The following IRF8 variants were observed in gnomAD, a reference collection of about 807,000 sequenced individuals.
The protein encoded by IRF8 is interferon regulatory factor 8, also known as interferon consensus sequence binding protein 1.
Under a neutral mutation model 48.7 loss-of-function variants are expected in IRF8, and 14 were observed. The ratio of observed to expected loss-of-function variants is 0.29; its 90% CI spans 0.19 to 0.45. IRF8 has a LOEUF of 0.45. IRF8 is among the 20% of genes least tolerant of loss of function. The pLI, the probability that IRF8 is intolerant of heterozygous loss-of-function variation, is 1.00. For synonymous variants in IRF8, 278 were observed against 227.3 expected (o/e 1.22, Z -2.01); for missense variants, 493 against 580.7 (o/e 0.85, Z 1.55).
At chr16:85,919,526 C>A (rs1597257376) in intron 7 of IRF8, among the ~76,000 whole-genome samples, 1 of 152,178 alleles carries the variant, frequency 6.6e-6, no homozygotes, top group East Asian at 1.9e-4. Context: ...CTGAGGAATC[C>A]CCCTAGTGAG....
At chr16:85,914,431 C>G (rs370582677) in intron 5 of IRF8, 42 bp from the exon 6 acceptor site, 1 of 1,613,702 alleles carries the variant, frequency 6.2e-7, no homozygotes, top group Non-Finnish European at 8.5e-7. Flanking sequence ...CTGTACACCA[C>G]ACCTGGGTGG....
At chr16:85,900,152 T>G (rs1351813314) in intron 1 of IRF8, among the ~76,000 whole-genome samples, 1 of 152,172 alleles carries the variant, frequency 6.6e-6, no homozygotes, top group Non-Finnish European at 1.5e-5. Flanking sequence ...GGTCTAGTGA[T>G]GCGGGTATGC....
chr16:85,913,166 G>T lies in IRF8; in HGVS notation c.483G>T (p.Arg161Ser). 1.2e-6 allele frequency: 2 copies of T among 1,614,192 alleles called. No homozygotes were observed. The highest frequency in any genetic ancestry group is 1.7e-6 in the Non-Finnish European group (2 of 1,180,020). Reference protein sequence around the residue: ...SVDDYMGMIKRSPSPPEACRS... With the variant: ...SVDDYMGMIKSSPSPPEACRS... The stretch of plus-strand genomic sequence containing the variant: ...ACGATTACATGGGGATGATCAAAAG[G>T]AGCCCTTCCCCGCCGGAGGCCTGTC... Residue 161 changes from arginine (R) to serine (S), a missense_variant, in exon 5 of 9, where the codon AGG (arginine) becomes AGT (serine). Around this residue, in one of 3 missense-constraint regions of IRF8, gnomAD observed 408 missense variants for 449.6 expected, o/e 0.91. Coordinates refer to ENST00000268638, the MANE Select transcript of IRF8 (RefSeq NM_002163.4).
chr16:85,900,557 TGTAAC>T (rs1408879920), intron 1 of IRF8, among the ~76,000 whole-genome samples: 1 of 152,202 alleles, frequency 6.6e-6, no homozygotes, highest in African/African-American at 2.4e-5. Flanking sequence ...GCAGAGATCT[TGTAAC>T]GTAACTATGG....
chr16:85,920,815 C>T (rs934833449), intron 8 of IRF8, among the ~76,000 whole-genome samples: 7 of 152,066 alleles, frequency 4.6e-5, no homozygotes, highest in African/African-American at 1.4e-4. Context: ...TTCAGTTGCC[C>T]GAAGGTCTAA....
At chr16:85,909,385 G>A in intron 3 of IRF8, 1 of 581,230 alleles carries the variant, frequency 1.7e-6, no homozygotes, top group Non-Finnish European at 3.1e-6. Flanking sequence ...CCCAACCTGT[G>A]CCCCACTTGC....
chr16:85,908,320 T>C (rs1905059629), intron 2 of IRF8, among the ~76,000 whole-genome samples: 1 of 152,206 alleles, frequency 6.6e-6, no homozygotes, highest in Non-Finnish European at 1.5e-5. Context: ...CATTATGACT[T>C]TAAGATTTCA....
At chr16:85,904,883 A>C (rs1904948603) in intron 2 of IRF8, among the ~76,000 whole-genome samples, 2 of 146,904 alleles carry the variant, frequency 1.4e-5, no homozygotes, top group African/African-American at 5.1e-5. Flanking sequence ...AAATGTAAAC[A>C]GTGCCAGAGT....
At chr16:85,921,055 C>G in intron 8 of IRF8, 51 bp from the exon 9 acceptor site, 1 of 1,553,718 alleles carries the variant, frequency 6.4e-7, no homozygotes, top group East Asian at 2.4e-5. Flanking sequence ...CAGTGCCCAC[C>G]CCCTTTGGAG....
rs8057060 is a variant in IRF8, at chr16:85,903,725, C to T, written c.174+536C>T. Among the ~76,000 whole-genome samples the T allele has an allele frequency of 2.8e-3, 430 of 152,234 alleles. 4 individuals carry two copies. The highest frequency in any genetic ancestry group is 1.0e-2 in the African/African-American group (415 of 41,546). On this transcript the variant is annotated intron_variant, in intron 2 of 8. Coordinates refer to ENST00000268638, the MANE Select transcript of IRF8 (RefSeq NM_002163.4). Reference sequence around the variant, plus strand: ...CACCTCCCTTGAGAGTAATCGGTTCCCCATGCGTGGAGAGACGTGATGGAG... The same window carrying T: ...CACCTCCCTTGAGAGTAATCGGTTCTCCATGCGTGGAGAGACGTGATGGAG...
chr16:85,907,813 AG>A (rs747329934), intron 2 of IRF8, among the ~76,000 whole-genome samples: 6 of 152,258 alleles, frequency 3.9e-5, no homozygotes, highest in Non-Finnish European at 5.9e-5. Flanking sequence ...TCCCAGGGGC[AG>A]GGGGTTGGTA....
intron 3 of IRF8, among the ~76,000 whole-genome samples, chr16:85,910,706 GGCC>G (rs1905118110): frequency 6.6e-6 from 1 of 152,114 alleles, no homozygotes; most frequent in African/African-American, 2.4e-5. Context: ...TGCCTACAGG[GGCC>G]CACTCGCCTC....
intron 8 of IRF8, among the ~76,000 whole-genome samples, chr16:85,920,545 C>T (rs1905519270): frequency 6.6e-6 from 1 of 152,158 alleles, no homozygotes; most frequent in Non-Finnish European, 1.5e-5. Flanking sequence ...GCAGTCTGGG[C>T]AGCTTTGAGC....
intron 1 of IRF8, chr16:85,902,574 A>G (rs988553132): frequency 1.6e-5 from 4 of 254,164 alleles, no homozygotes; most frequent in Non-Finnish European, 3.1e-5. Context: ...ATGTGGGGCC[A>G]GCTGGGCATC....
chr16:85,899,678 C>T (rs1597247414), intron 1 of IRF8, among the ~76,000 whole-genome samples: 1 of 152,304 alleles, frequency 6.6e-6, no homozygotes, highest in African/African-American at 2.4e-5. Flanking sequence ...GGACAGACTG[C>T]TTCTAAAATT....
At chr16:85,899,916 A>G (rs1904773735) in intron 1 of IRF8, among the ~76,000 whole-genome samples, 1 of 152,224 alleles carries the variant, frequency 6.6e-6, no homozygotes, top group African/African-American at 2.4e-5. Flanking sequence ...GAAAGGCTTT[A>G]CGGATGGAAA....
At position 85,909,092 on chromosome 16, in the gene IRF8, G is replaced by T; in HGVS notation, c.277G>T (p.Glu93Ter). 6.2e-7 allele frequency: 1 copy of T among 1,614,186 alleles called. No homozygotes were observed. Among genetic ancestry groups the T allele is most frequent in the East Asian group, 2.2e-5 (1 of 44,886 alleles). The change falls in exon 3 of 9, where the codon GAG becomes TAG. Residue 93 changes from glutamate (E) to a stop codon, truncating the protein, a stop_gained. Transcript: ENST00000268638. LOFTEE classifies it high-confidence loss of function. ...RCALNKSPDFEEVTDRSQLDI... is the reference protein window; with the variant it reads ...RCALNKSPDF Reference sequence around the variant, plus strand: ...TGCTTTGAATAAGAGCCCAGATTTTGAGGAAGTGACGGACCGGTCCCAACT... The same window carrying T: ...TGCTTTGAATAAGAGCCCAGATTTTTAGGAAGTGACGGACCGGTCCCAACT...
At chr16:85,914,203 C>A in intron 5 of IRF8, 1 of 513,158 alleles carries the variant, frequency 1.9e-6, no homozygotes, top group South Asian at 2.0e-5. Flanking sequence ...GAAATGTGGC[C>A]CCACAGTGTC....
chr16:85,908,515 G>A lies in IRF8; in HGVS notation c.175-475G>A, dbSNP rs548198800. On this transcript the variant is annotated intron_variant, in intron 2 of 8. Transcript: ENST00000268638. ...AAATTTCTATTAAAAGTAACAGGGC[G>A]ATGGATGACCATTTTGACTTTTTGC... is the stretch of plus-strand genomic sequence containing the variant. Among the ~76,000 whole-genome samples, 6 of 152,330 alleles carry A rather than the reference G, an allele frequency of 3.9e-5. No individual in the cohort carries two copies. In the South Asian group the frequency reaches 1.0e-3, roughly 26 times the overall value.
Sources: gnomAD v4.1 joint callset for allele counts (sites outside exome capture counted in the v4.1 genomes callset) on GRCh38, gnomAD v4.1.1 for gene constraint, gnomAD v4.1.1 regional missense constraint, MANE v1.5 for transcripts, NCBI Gene and HGNC (gene_info 2026-07-23, HGNC 2026-07-21) for gene names.